ZFAT: variants seen among roughly 807,000 people sequenced by gnomAD.
The protein encoded by ZFAT is zinc finger protein ZFAT.
Under a neutral mutation model 117.7 loss-of-function variants are expected in ZFAT, and 64 were observed. The ratio of observed to expected loss-of-function variants is 0.54; its 90% CI spans 0.44 to 0.67. ZFAT has a LOEUF of 0.67. Ranked by LOEUF, ZFAT falls within the 30% of genes least tolerant of loss-of-function variation. ZFAT has a pLI of 0.00. For missense variants in ZFAT, 1,433 were observed against 1,584.5 expected (o/e 0.90, Z 1.62); for synonymous variants, 679 against 615.0 (o/e 1.10, Z -1.54).
chr8:134,656,737 T>C (rs755292606), intron 2 of ZFAT, among the ~76,000 whole-genome samples: 1 of 152,242 alleles, frequency 6.6e-6, no homozygotes, highest in Non-Finnish European at 1.5e-5. Context: ...CACTGACTGC[T>C]ATGCATTGGG....
intron 1 of ZFAT, among the ~76,000 whole-genome samples, chr8:134,686,280 T>C (rs1833321320): frequency 6.6e-6 from 1 of 152,166 alleles, no homozygotes; most frequent in South Asian, 2.1e-4. Flanking sequence ...AGGGTCCAGG[T>C]GGCATGCTTC....
intron 1 of ZFAT, among the ~76,000 whole-genome samples, chr8:134,691,755 C>T (rs1833598795): frequency 6.6e-6 from 1 of 152,200 alleles, no homozygotes; most frequent in South Asian, 2.1e-4. Flanking sequence ...TTGGTTTAAC[C>T]TGTCTCCCTC....
At chr8:134,564,544 T>C (rs1488946849) in intron 11 of ZFAT, among the ~76,000 whole-genome samples, 2 of 152,214 alleles carry the variant, frequency 1.3e-5, no homozygotes, top group South Asian at 2.1e-4. Context: ...ACAAAACAGA[T>C]GCCCTGCAGT....
intron 10 of ZFAT, among the ~76,000 whole-genome samples, chr8:134,574,809 C>CT (rs1825183576): frequency 6.6e-6 from 1 of 152,030 alleles, no homozygotes; most frequent in Non-Finnish European, 1.5e-5. Context: ...AAAATGCCTC[C>CT]TTATGACTGT....
At chr8:134,772,341 AG>A in the ZFAT span, among the ~76,000 whole-genome samples, 1 of 152,244 alleles carries the variant, frequency 6.6e-6, no homozygotes, top group Admixed American at 6.6e-5. Flanking sequence ...GGAAATTCAA[AG>A]TGCTACTCCA....
At chr8:134,593,700 A>G (rs888941961) in intron 7 of ZFAT, among the ~76,000 whole-genome samples, 11 of 152,236 alleles carry the variant, frequency 7.2e-5, no homozygotes, top group African/African-American at 2.4e-4. Context: ...CATCTGGTCT[A>G]TGCCTTAGCG....
the ZFAT span, chr8:134,798,036 T>C: frequency 2.0e-5 from 3 of 151,612 alleles, no homozygotes; most frequent in Non-Finnish European, 4.4e-5. Context: ...AACTAAAAGA[T>C]AAACTCTATT....
intron 15 of ZFAT, among the ~76,000 whole-genome samples, chr8:134,485,478 C>T (rs1252652987): frequency 6.6e-6 from 1 of 152,194 alleles, no homozygotes; most frequent in African/African-American, 2.4e-5. Context: ...CAAAAATGCC[C>T]GGAGGCTGGC....
chr8:134,625,688 G>C (rs1244572743), intron 3 of ZFAT, among the ~76,000 whole-genome samples: 1 of 152,248 alleles, frequency 6.6e-6, no homozygotes, highest in Non-Finnish European at 1.5e-5. Context: ...AAAGAGAAGA[G>C]ATTCTGCCTG....
At chr8:134,489,015 A>G (rs1328902541) in intron 15 of ZFAT, among the ~76,000 whole-genome samples, 4 of 145,584 alleles carry the variant, frequency 2.7e-5, no homozygotes, top group African/African-American at 1.1e-4. Context: ...GGGGTGGGGA[A>G]GAGATGAAAC....
At chr8:134,521,944 TA>T (rs1197739512) in intron 12 of ZFAT, among the ~76,000 whole-genome samples, 1 of 152,180 alleles carries the variant, frequency 6.6e-6, no homozygotes, top group East Asian at 1.9e-4. Context: ...GGTCATTCCC[TA>T]GTCGCAAACT....
chr8:134,590,193 A>T, intron 8 of ZFAT, 75 bp downstream of exon 8: 1 of 1,144,480 alleles, frequency 8.7e-7, no homozygotes, highest in Non-Finnish European at 1.3e-6. Flanking sequence ...TAGTGCAGTT[A>T]ATGTAAAACA....
the ZFAT span, among the ~76,000 whole-genome samples, chr8:134,825,075 G>C: frequency 6.6e-6 from 1 of 152,136 alleles, no homozygotes; most frequent in Non-Finnish European, 1.5e-5. Flanking sequence ...AAATCTAAAT[G>C]TGATTACTAA....
At chr8:134,667,902 C>T (rs1407397735) in intron 1 of ZFAT, among the ~76,000 whole-genome samples, 2 of 152,140 alleles carry the variant, frequency 1.3e-5, no homozygotes, top group Non-Finnish European at 2.9e-5. Flanking sequence ...TCGGGTCACT[C>T]CCACCCTAAT....
rs1827552179 is a variant in ZFAT, at chr8:134,602,317, C to T, written c.1402G>A (p.Val468Ile). Residue 468 changes from valine (V) to isoleucine (I), a missense_variant, in exon 6 of 16, where the codon GTC (valine) becomes ATC (isoleucine). Coordinates refer to ENST00000377838, the MANE Select transcript of ZFAT (RefSeq NM_020863.4). ...YVCAVCRKKF[V>I]SSIRLRTHIK... ...TGGGTGCGCAGCCTGATGGAGCTGACGAACTTCTTGCGGCAGACGGCACAG... is the reference window on the plus strand; with the variant it reads ...TGGGTGCGCAGCCTGATGGAGCTGATGAACTTCTTGCGGCAGACGGCACAG... 4.3e-6 allele frequency: 7 copies of T among 1,613,818 alleles called. No individual in the cohort carries two copies. The highest frequency in any genetic ancestry group is 2.2e-5 in the South Asian group (2 of 91,084).
intron 1 of ZFAT, among the ~76,000 whole-genome samples, chr8:134,690,909 A>G (rs1035861181): frequency 2.6e-5 from 4 of 152,176 alleles, no homozygotes; most frequent in African/African-American, 7.2e-5. Flanking sequence ...GTGCAATCAG[A>G]AATGAGGAAG....
At chr8:134,556,897 C>T (rs1245212507) in intron 11 of ZFAT, among the ~76,000 whole-genome samples, 4 of 151,672 alleles carry the variant, frequency 2.6e-5, no homozygotes, top group African/African-American at 9.7e-5. Flanking sequence ...TGTATATTTA[C>T]CCTTTTAAAA....
rs115540003 is a variant in ZFAT, at chr8:134,581,480, G to A, written c.2887+2352C>T. On this transcript the variant is annotated intron_variant, in intron 10 of 15. Transcript: ENST00000377838. ...TGAAGGTATCATTTCTTTATTTTGC[G>A]ACGTGACAAAACTGAGACCCAAGTA... is the stretch of plus-strand genomic sequence containing the variant. 5.6e-3 allele frequency among the ~76,000 whole-genome samples: 853 copies of A among 152,232 alleles called. 7 individuals carry two copies. Among genetic ancestry groups the A allele is most frequent in the African/African-American group, 0.02 (813 of 41,538 alleles).
intron 15 of ZFAT, among the ~76,000 whole-genome samples, chr8:134,497,337 C>A (rs988679731): frequency 6.6e-6 from 1 of 152,218 alleles, no homozygotes; most frequent in Non-Finnish European, 1.5e-5. Flanking sequence ...CCTCTGTGAG[C>A]CAGAGGAGGG....
Sources: gnomAD v4.1 joint callset for allele counts (sites outside exome capture counted in the v4.1 genomes callset) on GRCh38, gnomAD v4.1.1 for gene constraint, MANE v1.5 for transcripts, NCBI Gene and HGNC (gene_info 2026-07-23, HGNC 2026-07-21) for gene names.